The following LGR4 variants were observed in gnomAD, a reference collection of about 807,000 sequenced individuals.
The protein encoded by LGR4 is leucine-rich repeat-containing G protein-coupled receptor 4.
LGR4 carries 44 observed loss-of-function variants against 84.8 expected under a neutral mutation model. That is an observed-to-expected ratio of 0.52 (90% CI 0.41 to 0.67). The LOEUF is 0.67. Among genes scored for constraint, LGR4 ranks in the 30% least tolerant of loss-of-function variants. LGR4 has a pLI of 0.00. For missense variants in LGR4, 1,032 were observed against 1,131.4 expected (o/e 0.91, Z 1.26); for synonymous variants, 429 against 434.3 (o/e 0.99, Z 0.15).
chr11:27,405,339 T>C (rs1863585460), intron 2 of LGR4, among the ~76,000 whole-genome samples: 1 of 152,180 alleles, frequency 6.6e-6, no homozygotes, highest in South Asian at 2.1e-4. Context: ...TCCCACACCC[T>C]GATTCAAGTG....
At chr11:27,427,999 T>C (rs1864053215) in intron 1 of LGR4, among the ~76,000 whole-genome samples, 2 of 152,188 alleles carry the variant, frequency 1.3e-5, no homozygotes, top group Non-Finnish European at 2.9e-5. Context: ...ATTAGGTGAG[T>C]AGCTTCAGTA....
rs1290081903 is a variant in LGR4, at chr11:27,436,335, C to CAG, written c.186-23477_186-23476dup. ...TGCAAAGAAAGAAAGAAATAAAAGA[C>CAG]AGAGAGAGAGAGAGAAAGAAAGAAA... On this transcript the variant is annotated intron_variant, in intron 1 of 17. Coordinates refer to ENST00000379214, the MANE Select transcript of LGR4 (RefSeq NM_018490.5). 6.4e-5 allele frequency among the ~76,000 whole-genome samples: 6 copies of CAG among 93,930 alleles called. No individual in the cohort carries two copies. In the East Asian group the frequency reaches 9.1e-4, roughly 14 times the overall value. The allele number at this position is 93,930 out of a possible 152,430, so 61.6% of individuals were successfully genotyped here.
chr11:27,451,281 A>G (rs139190402), intron 1 of LGR4, among the ~76,000 whole-genome samples: 1 of 152,334 alleles, frequency 6.6e-6, no homozygotes, highest in African/African-American at 2.4e-5. Flanking sequence ...AATGAAGAGT[A>G]CCCACCAGAC....
At chr11:27,472,066 C>CCCA in intron 1 of LGR4, 52 bp downstream of exon 1, 5 of 1,207,918 alleles carry the variant, frequency 4.1e-6, no homozygotes, top group Non-Finnish European at 5.2e-6. Context: ...CGGCGCCCCC[C>CCCA]GCTGGGCCCC....
In LGR4 at chr11:27,385,384, G is replaced by C. The variant is rs993690712; in HGVS notation, c.486C>G (p.Asp162Glu). The C allele has an allele frequency of 6.2e-7, 1 of 1,612,544 alleles. No homozygotes were observed. Among genetic ancestry groups the C allele is most frequent in the African/African-American group, 1.3e-5 (1 of 74,912 alleles). The part of the protein sequence containing the change: ...LVQLRHLWLD[D>E]NSLTEVPVHP... ...GCACAGGCACCTCCGTCAAGCTGTT[G>C]TCATCCAGCCACAGATGCCGTAACT... The change falls in exon 5 of 18, where the codon GAC becomes GAG. Residue 162 changes from aspartate (D) to glutamate (E), a missense_variant. Asp to Glu is a conservative substitution (Grantham distance 45). Coordinates refer to ENST00000379214, the MANE Select transcript of LGR4 (RefSeq NM_018490.5).
At position 27,472,531 on chromosome 11, in the gene LGR4, C is replaced by G. The variant is rs1214794353; in HGVS notation, c.-229G>C. On this transcript the variant is annotated 5_prime_UTR_variant, in exon 1 of 18. Transcript: ENST00000379214. ...CTCCATGGACGCGCAGAGGCAGCCC[C>G]GCTCCTCCGGCGGCTCACGCCAGCC... 5 of 387,570 alleles carry G rather than the reference C, an allele frequency of 1.3e-5. No homozygotes were observed. The highest frequency in any genetic ancestry group is 9.0e-5 in the Admixed American group (2 of 22,186). 24.0% of individuals were successfully genotyped at this position (387,570 alleles called of 1,614,324 possible). A position where few individuals can be genotyped will look rare whatever the true frequency, so the allele number is the denominator to read the frequency against.
At chr11:27,384,295 C>T (rs1012513106) in intron 6 of LGR4, 41 bp downstream of exon 6, 4 of 1,278,408 alleles carry the variant, frequency 3.1e-6, no homozygotes, top group Admixed American at 1.8e-5. Flanking sequence ...ATTATACTTT[C>T]AATATCACAA....
At chr11:27,384,565 T>C (rs1262304983) in intron 5 of LGR4, among the ~76,000 whole-genome samples, 158 bp from the exon 6 acceptor site, 2 of 152,180 alleles carry the variant, frequency 1.3e-5, no homozygotes, top group Non-Finnish European at 2.9e-5. Flanking sequence ...AGAAAACAAG[T>C]GACATTGGAT....
chr11:27,400,224 T>C (rs1037647883), intron 2 of LGR4, among the ~76,000 whole-genome samples: 3 of 152,056 alleles, frequency 2.0e-5, no homozygotes, highest in Non-Finnish European at 4.4e-5. Context: ...AAATCTGAAA[T>C]ACAAAACACT....
intron 13 of LGR4, among the ~76,000 whole-genome samples, chr11:27,375,287 G>C (rs574050555): frequency 8.0e-6 from 1 of 125,078 alleles, no homozygotes; most frequent in Admixed American, 9.5e-5. Context: ...AAGAGTGAGA[G>C]ACCCTGTCTC....
intron 1 of LGR4, among the ~76,000 whole-genome samples, chr11:27,425,983 G>T (rs554130664): frequency 8.5e-5 from 13 of 152,290 alleles, no homozygotes; most frequent in African/African-American, 3.1e-4. Context: ...CTAGTGCCAT[G>T]TGTGGTCATA....
Position 27,376,072 on chromosome 11 carries a change from G to A in LGR4, c.1181+227C>T, listed in dbSNP as rs567031877. On this transcript the variant is annotated intron_variant, in intron 13 of 17. Transcript: ENST00000379214. ...GCTCACTGCAATCTCCACCTCCAGG[G>A]TTCAAGCGATTCTCCTGCCTCAGCC... 4.0e-5 allele frequency among the ~76,000 whole-genome samples: 6 copies of A among 151,786 alleles called. No homozygotes were observed. In the East Asian group the frequency reaches 1.2e-3, roughly 29 times the overall value.
chr11:27,399,029 G>A (rs1863445505), intron 2 of LGR4, among the ~76,000 whole-genome samples: 2 of 152,168 alleles, frequency 1.3e-5, no homozygotes, highest in South Asian at 4.2e-4. Context: ...TCCTGCCTCA[G>A]CCTCCCAAGT....
At chr11:27,411,397 A>C (rs531106130) in intron 2 of LGR4, among the ~76,000 whole-genome samples, 47 of 152,074 alleles carry the variant, frequency 3.1e-4, no homozygotes, top group African/African-American at 7.9e-4. Context: ...AGAAAAAAAA[A>C]AACAACAACA....
rs147455702 is a variant in LGR4 at position 27,447,752 on chromosome 11, C to T, written c.185+24366G>A. 3.4e-3 allele frequency among the ~76,000 whole-genome samples: 511 copies of T among 152,242 alleles called. 4 individuals carry two copies. Among genetic ancestry groups the T allele is most frequent in the Non-Finnish European group, 5.8e-3 (397 of 68,010 alleles). Reference sequence around the variant, plus strand: ...CCCAATTTTGGGGTTCATCCTATGACAAAGCATCTAGAAATGTATGTCTAT... The same window carrying T: ...CCCAATTTTGGGGTTCATCCTATGATAAAGCATCTAGAAATGTATGTCTAT... On this transcript the variant is annotated intron_variant, in intron 1 of 17. Coordinates refer to ENST00000379214, the MANE Select transcript of LGR4 (RefSeq NM_018490.5).
In LGR4 at chr11:27,368,976, A is replaced by G. The variant is rs1462926935; in HGVS notation, c.1747T>C (p.Ser583Pro). 1.2e-6 allele frequency: 2 copies of G among 1,614,038 alleles called. No homozygotes were observed. The highest frequency in any genetic ancestry group is 1.7e-6 in the Non-Finnish European group (2 of 1,180,010). Reference sequence around the variant, plus strand: ...GTATAGATTCCCATGAATAAGTTAGACACAGAAATCAAGCCTATAAACAAT... The same window carrying G: ...GTATAGATTCCCATGAATAAGTTAGGCACAGAAATCAAGCCTATAAACAAT... ...SKLFIGLISV[S>P]NLFMGIYTGI... is the part of the protein sequence containing the mutation. The change falls in exon 18 of 18, where the codon TCT (serine) becomes CCT (proline). Residue 583 changes from serine (S) to proline (P), a missense_variant. Transcript: ENST00000379214.
At chr11:27,410,662 CTT>C (rs1465148289) in intron 2 of LGR4, among the ~76,000 whole-genome samples, 3 of 152,036 alleles carry the variant, frequency 2.0e-5, no homozygotes, top group Admixed American at 1.3e-4. Flanking sequence ...AATAAATTCT[CTT>C]GAGTGCCTAC....
chr11:27,371,550 A>G, intron 17 of LGR4, 65 bp downstream of exon 17: 1 of 1,082,834 alleles, frequency 9.2e-7, no homozygotes, highest in South Asian at 1.3e-5. Context: ...TACCCAGGAC[A>G]TTTAGATATA....
intron 8 of LGR4, 60 bp from the exon 9 acceptor site, chr11:27,380,771 C>T: frequency 2.4e-6 from 3 of 1,271,742 alleles, no homozygotes; most frequent in East Asian, 2.3e-5. Context: ...CTAATATTAA[C>T]TCTATGTTCA....
Sources: gnomAD v4.1 joint callset for allele counts (sites outside exome capture counted in the v4.1 genomes callset) on GRCh38, gnomAD v4.1.1 for gene constraint, MANE v1.5 for transcripts, NCBI Gene and HGNC (gene_info 2026-07-23, HGNC 2026-07-21) for gene names.